SMCO2: variants seen among roughly 807,000 people sequenced by gnomAD.
SMCO2 encodes single-pass membrane and coiled-coil domain-containing protein 2.
In SMCO2, 25 loss-of-function variants were observed where a neutral mutation model predicts 29.5. The ratio of observed to expected loss-of-function variants is 0.85; its 90% confidence interval spans 0.62 to 1.18. SMCO2 has a LOEUF of 1.18. SMCO2 is among the 50% of genes most tolerant of loss of function. SMCO2 has a pLI of 0.00. For missense variants in SMCO2, 348 were observed against 344.5 expected, an observed-to-expected ratio of 1.01 and a Z score of -0.08; for synonymous variants, 117 against 123.3, an observed-to-expected ratio of 0.95 and a Z score of 0.34.
Position 27,478,606 on chromosome 12 carries a change from C to T in SMCO2, c.362+3693C>T, listed in dbSNP as rs949302929. On this transcript the variant is annotated intron_variant, in intron 4 of 7. Coordinates refer to ENST00000298876, the Ensembl canonical transcript of SMCO2. ...CTAAGAGTCATGCATGGGTAGATAC[C>T]AGTGATGGCGGCAGCTGTAGGCTGG... 7.9e-5 allele frequency among the ~76,000 whole-genome samples: 12 copies of T among 151,916 alleles called. No individual in the cohort carries two copies. In the East Asian group the frequency reaches 2.3e-3, roughly 30 times the overall value.
At chr12:27,449,966 T>G in the SMCO2 span, among the ~76,000 whole-genome samples, 1 of 152,198 alleles carries the variant, frequency 6.6e-6, no homozygotes, top group African/African-American at 2.4e-5. Flanking sequence ...CTCCCTTCAT[T>G]CGTTCTCACC....
chr12:27,481,798 C>T (rs1949645548), intron 4 of SMCO2, among the ~76,000 whole-genome samples: 1 of 152,132 alleles, frequency 6.6e-6, no homozygotes, highest in Non-Finnish European at 1.5e-5. Context: ...TTATCCGTAA[C>T]ATTCCCTTAT....
At chr12:27,487,956 T>A (rs1015103964) in intron 4 of SMCO2, among the ~76,000 whole-genome samples, 4 of 152,102 alleles carry the variant, frequency 2.6e-5, no homozygotes, top group Admixed American at 6.5e-5. Flanking sequence ...TTGAGCTTTT[T>A]TTGAGATTTT....
the SMCO2 span, among the ~76,000 whole-genome samples, chr12:27,460,473 TAAAG>T: frequency 6.6e-6 from 1 of 152,226 alleles, no homozygotes. Context: ...GAAAATGTCA[TAAAG>T]AAAATCATAA....
chr12:27,474,931 C>T lies in SMCO2; in HGVS notation c.362+18C>T. 6.5e-7 allele frequency: 1 copy of T among 1,547,898 alleles called. No homozygotes were observed. Among genetic ancestry groups the T allele is most frequent in the Non-Finnish European group, 8.7e-7 (1 of 1,145,302 alleles). On this transcript the variant is annotated intron_variant, in intron 4 of 7. Transcript: ENST00000298876. ...CTTGAACTGTAAGTCTTGACACATG[C>T]AAGACAGAGCATTTAATAATGTGTG...
At position 27,497,372 on chromosome 12, in the gene SMCO2, A is replaced by C. The variant is rs142407259; in HGVS notation, c.683+1517A>C. ...GAATGATGTAAAGGAATTTGATGAT[A>C]GATGATTTGTGCAAGTGGATGATGG... On this transcript the variant is annotated intron_variant, in intron 7 of 7. Coordinates refer to ENST00000298876, the Ensembl canonical transcript of SMCO2. 8.3e-3 allele frequency: 1,770 copies of C among 213,400 alleles called. 70 individuals are homozygous for C. The highest frequency in any genetic ancestry group is 0.027 in the South Asian group (297 of 11,202). 13.2% of individuals were successfully genotyped at this position (213,400 alleles called of 1,614,324 possible). A position where few individuals can be genotyped will look rare whatever the true frequency, so the allele number is the denominator to read the frequency against.
At chr12:27,481,324 C>T (rs762362518) in intron 4 of SMCO2, among the ~76,000 whole-genome samples, 2 of 152,202 alleles carry the variant, frequency 1.3e-5, no homozygotes, top group Admixed American at 6.5e-5. Context: ...CTGCAAAGGC[C>T]GAGGAACTCT....
chr12:27,433,176 A>T, the SMCO2 span, among the ~76,000 whole-genome samples: 1 of 152,100 alleles, frequency 6.6e-6, no homozygotes, highest in Non-Finnish European at 1.5e-5. Context: ...ACACATATAG[A>T]CGTGTGTGTG....
At chr12:27,487,753 C>CTTTTTTTTT (rs143131425) in intron 4 of SMCO2, among the ~76,000 whole-genome samples, 4 of 129,450 alleles carry the variant, frequency 3.1e-5, no homozygotes, top group Non-Finnish European at 3.4e-5. Flanking sequence ...TCTTTTCTTT[C>CTTTTTTTTT]TTTTTTTTTT....
chr12:27,447,389 C>T, the SMCO2 span, among the ~76,000 whole-genome samples: 1 of 152,136 alleles, frequency 6.6e-6, no homozygotes, highest in East Asian at 1.9e-4. Context: ...CTAACCCTTT[C>T]TTGCTCTTCA....
chr12:27,449,665 A>G, the SMCO2 span, among the ~76,000 whole-genome samples: 1 of 152,228 alleles, frequency 6.6e-6, no homozygotes, highest in Non-Finnish European at 1.5e-5. Flanking sequence ...GAAGGGGGGA[A>G]AAGTTAAAAT....
At chr12:27,426,211 G>A in the SMCO2 span, among the ~76,000 whole-genome samples, 1 of 152,204 alleles carries the variant, frequency 6.6e-6, no homozygotes, top group East Asian at 1.9e-4. Flanking sequence ...AAGTAGGATG[G>A]CAAGAACTTG....
In SMCO2 at chr12:27,494,487, T is replaced by TTTATTATTATTA. The variant is rs60980302; in HGVS notation, c.507+157_507+168dup. On this transcript the variant is annotated intron_variant, in intron 6 of 7. Coordinates refer to ENST00000298876, the Ensembl canonical transcript of SMCO2. ...TCTCTTTCTTTTTTATTTAATTTAA[T>TTTATTATTATTA]TTATTATTATTATTATTATTATTAT... 428 of 176,474 alleles carry TTTATTATTATTA rather than the reference T, an allele frequency of 2.4e-3. 1 individual carries two copies. Among genetic ancestry groups the TTTATTATTATTA allele is most frequent in the African/African-American group, 4.0e-3 (159 of 39,308 alleles). The allele number at this position is 176,474 out of a possible 1,614,324, so 10.9% of individuals were successfully genotyped here.
At chr12:27,447,101 T>C in the SMCO2 span, among the ~76,000 whole-genome samples, 1 of 152,174 alleles carries the variant, frequency 6.6e-6, no homozygotes, top group East Asian at 1.9e-4. Context: ...ATAAAGGAAC[T>C]CATCAGCTTA....
the SMCO2 span, among the ~76,000 whole-genome samples, chr12:27,461,282 G>T: frequency 7.9e-5 from 12 of 152,130 alleles, no homozygotes; most frequent in Non-Finnish European, 1.6e-4. Flanking sequence ...AGGTTCAGGA[G>T]TACATGTGCA....
chr12:27,487,753 C>CTTTT (rs143131425), intron 4 of SMCO2, among the ~76,000 whole-genome samples: 2 of 129,452 alleles, frequency 1.5e-5, no homozygotes, highest in African/African-American at 5.6e-5. Context: ...TCTTTTCTTT[C>CTTTT]TTTTTTTTTT....
At chr12:27,435,544 TCC>T in the SMCO2 span, among the ~76,000 whole-genome samples, 1 of 145,118 alleles carries the variant, frequency 6.9e-6, no homozygotes, top group Admixed American at 6.8e-5. Flanking sequence ...TCTCTCTCTC[TCC>T]CCCCCATCCC....
chr12:27,451,165 T>C, the SMCO2 span, among the ~76,000 whole-genome samples: 1 of 152,268 alleles, frequency 6.6e-6, no homozygotes, highest in African/African-American at 2.4e-5. Context: ...ATTCTCATTA[T>C]ACCTGGTAGT....
At chr12:27,447,801 G>C in the SMCO2 span, among the ~76,000 whole-genome samples, 11 of 150,714 alleles carry the variant, frequency 7.3e-5, no homozygotes, top group South Asian at 2.3e-3. Context: ...ATTTTAACAA[G>C]ATCCTAGAAT....
Sources: allele counts gnomAD v4.1 joint callset (sites outside exome capture counted in the v4.1 genomes callset), GRCh38; gene constraint gnomAD v4.1.1; transcripts MANE v1.5; gene names NCBI Gene and HGNC (gene_info 2026-07-23, HGNC 2026-07-21).